The following SETDB1 variants were observed in gnomAD, a reference collection of about 807,000 sequenced individuals.
SETDB1 encodes SET domain bifurcated histone lysine methyltransferase 1, also known as histone-lysine N-methyltransferase SETDB1.
SETDB1 carries 31 observed loss-of-function variants against 137.4 expected under a neutral mutation model. The observed-to-expected ratio is 0.23, with a 90% CI of 0.17 to 0.30. The LOEUF (loss-of-function observed/expected upper bound fraction) is 0.30, where lower values mean the gene tolerates loss of function less well. SETDB1 is among the 10% of genes least tolerant of loss of function. The pLI, the probability that SETDB1 is intolerant of heterozygous loss-of-function variation, is 1.00. For missense variants in SETDB1, 1,113 were observed against 1,631.5 expected (o/e 0.68, Z 5.47); for synonymous variants, 548 against 579.9 (o/e 0.95, Z 0.79).
intron 18 of SETDB1, 121 bp downstream of exon 18, chr1:150,962,840 C>A: frequency 6.9e-7 from 1 of 1,449,504 alleles, no homozygotes; most frequent in South Asian, 1.3e-5. Context: ...TGACTTCCTG[C>A]CTTATTTTCT....
At chr1:150,940,733 C>G (rs997729082) in intron 4 of SETDB1, among the ~76,000 whole-genome samples, 4 of 152,056 alleles carry the variant, frequency 2.6e-5, no homozygotes, top group Non-Finnish European at 5.9e-5. Flanking sequence ...GGCACAGTGG[C>G]TCACGCCTGT....
intron 14 of SETDB1, among the ~76,000 whole-genome samples, chr1:150,958,253 T>TC (rs1670712072): frequency 1.6e-5 from 2 of 125,174 alleles, no homozygotes; most frequent in Non-Finnish European, 3.4e-5. Context: ...TTTTCTTTTT[T>TC]CTTTTTTTTT....
Position 150,946,952 on chromosome 1 carries a change from A to G in SETDB1, c.1207A>G (p.Thr403Ala). 6.2e-7 allele frequency: 1 copy of G among 1,614,192 alleles called. No individual in the cohort carries two copies. Among genetic ancestry groups the G allele is most frequent in the South Asian group, 1.1e-5 (1 of 91,088 alleles). The change falls in exon 10 of 22, where the codon ACA becomes GCA. Residue 403 changes from threonine (T) to alanine (A), a missense_variant. By Grantham distance (58) the Thr-to-Ala change is moderately conservative (BLOSUM62 0). Around this residue, in one of 11 missense-constraint regions of SETDB1, gnomAD observed 154 missense variants for 303.1 expected, o/e 0.51. Coordinates refer to ENST00000692827, the MANE Select transcript of SETDB1 (RefSeq NM_001366418.1). The stretch of plus-strand genomic sequence containing the variant: ...GCTGGAGCCCATGTTCAGCATGAAA[A>G]CATCCTCAGCCTCTGCACTGGAGAA... ...TRLEPMFSMK[T>A]SSASALEKKQ...
At chr1:150,941,839 T>A (rs587747166) in intron 5 of SETDB1, among the ~76,000 whole-genome samples, 24 of 151,324 alleles carry the variant, frequency 1.6e-4, no homozygotes, top group African/African-American at 4.8e-4. Flanking sequence ...CAAAAAAAAA[T>A]GTTTAAAAAT....
At position 150,959,416 on chromosome 1, in the gene SETDB1, T is replaced by C. The variant is rs1670750782; in HGVS notation, c.2503+69T>C. 11 of 1,334,888 alleles carry C rather than the reference T, an allele frequency of 8.2e-6. No individual in the cohort carries two copies. In the South Asian group the frequency reaches 1.0e-4, roughly 13 times the overall value. The allele number at this position is 1,334,888 out of a possible 1,614,324, so 82.7% of individuals were successfully genotyped here. ...GGTAGGGAATTGAACCAGAGACAAA[T>C]TGAACATAAGAAGAAAGTGCTTGAC... On this transcript the variant is annotated intron_variant, in intron 15 of 21. Coordinates refer to ENST00000692827, the MANE Select transcript of SETDB1 (RefSeq NM_001366418.1).
At chr1:150,963,925 C>A in intron 20 of SETDB1, 70 bp from the exon 21 acceptor site, 1 of 1,459,718 alleles carries the variant, frequency 6.9e-7, no homozygotes, top group Non-Finnish European at 9.6e-7. Context: ...TTTCTTCCAA[C>A]TCTCACTCTC....
chr1:150,930,278 A>G (rs1191869805), intron 3 of SETDB1, 160 bp downstream of exon 3: 1 of 599,440 alleles, frequency 1.7e-6, no homozygotes, highest in Non-Finnish European at 2.9e-6. Context: ...CAACATTGTT[A>G]GTATCATAGA....
intron 19 of SETDB1, 123 bp from the exon 20 acceptor site, chr1:150,963,407 C>A: frequency 1.2e-6 from 1 of 867,728 alleles, no homozygotes; most frequent in Non-Finnish European, 1.8e-6. Context: ...TCTTTGAGTT[C>A]CAGCTTATTG....
chr1:150,962,716 T>G lies in SETDB1; in HGVS notation c.3291T>G (p.Pro1097=). Residue 1097 remains proline (P), a synonymous_variant, in exon 18 of 22, where the codon CCT becomes CCG. Transcript: ENST00000692827. ...TCATGGCTTCTGCTCAGTCCAACCC[T>G]GATGTAAGTCACCTCAAGCTTATTC... is the stretch of plus-strand genomic sequence containing the variant. The part of the protein sequence containing the change: ...RRLMASAQSN[P]DDVLTLSSST... The G allele has an allele frequency of 1.2e-6, 2 of 1,613,430 alleles. No individual in the cohort carries two copies. The highest frequency in any genetic ancestry group is 1.7e-6 in the Non-Finnish European group (2 of 1,179,612).
Position 150,949,488 on chromosome 1 carries a change from G to A in SETDB1, c.1546G>A (p.Val516Ile), listed in dbSNP as rs185244961. The A allele has an allele frequency of 6.2e-7, 1 of 1,614,094 alleles. No homozygotes were observed. Among genetic ancestry groups the A allele is most frequent in the Non-Finnish European group, 8.5e-7 (1 of 1,180,016 alleles). ...TACATCTCCTGCACTCAGTGAAAAT[G>A]TCTCTGGTGGGAAACCTGGGATCAA... ...SPTSPALSENVSGGKPGINQT... is the reference protein window; with the variant it reads ...SPTSPALSENISGGKPGINQT... Residue 516 changes from valine (V) to isoleucine (I), a missense_variant, in exon 12 of 22, where the codon GTC becomes ATC. Around this residue, in one of 11 missense-constraint regions of SETDB1, gnomAD observed 192 missense variants for 198.1 expected, o/e 0.97. Transcript: ENST00000692827.
chr1:150,958,542 G>A (rs990991817), intron 14 of SETDB1, among the ~76,000 whole-genome samples: 1 of 150,204 alleles, frequency 6.7e-6, no homozygotes, highest in African/African-American at 2.5e-5. Flanking sequence ...GAGCCACCAC[G>A]CCCAGCACGA....
chr1:150,931,457 C>T (rs1483366455), intron 3 of SETDB1, among the ~76,000 whole-genome samples: 7 of 150,732 alleles, frequency 4.6e-5, no homozygotes, highest in South Asian at 2.1e-4. Context: ...TGGCGGCGGA[C>T]GCCTGTAGTC....
At chr1:150,956,998 T>C (rs893425959) in intron 14 of SETDB1, among the ~76,000 whole-genome samples, 4 of 151,922 alleles carry the variant, frequency 2.6e-5, no homozygotes, top group African/African-American at 9.7e-5. Context: ...GCAGCTGTGG[T>C]CCCAGCTACT....
Position 150,964,600 on chromosome 1 carries a change from C to A in SETDB1, c.*236C>A. On this transcript the variant is annotated 3_prime_UTR_variant, in exon 22 of 22. Transcript: ENST00000692827. ...GGAGAGATCACCACTCTAACCTCGGCCTGACATCCCTCCCATCCCATATTT... is the reference window on the plus strand; with the variant it reads ...GGAGAGATCACCACTCTAACCTCGGACTGACATCCCTCCCATCCCATATTT... 1.5e-6 allele frequency: 1 copy of A among 670,406 alleles called. No individual in the cohort carries two copies. The highest frequency in any genetic ancestry group is 2.7e-6 in the Non-Finnish European group (1 of 367,396). 41.5% of individuals were successfully genotyped at this position (670,406 alleles called of 1,614,324 possible).
At chr1:150,948,762 G>A (rs888842552) in intron 10 of SETDB1, among the ~76,000 whole-genome samples, 1 of 151,090 alleles carries the variant, frequency 6.6e-6, no homozygotes, top group Non-Finnish European at 1.5e-5. Context: ...TTGTTCTGTT[G>A]CCCAGGCTGG....
chr1:150,948,407 G>C (rs894942797), intron 10 of SETDB1, among the ~76,000 whole-genome samples: 13 of 151,446 alleles, frequency 8.6e-5, no homozygotes. Flanking sequence ...AGTAACTGGG[G>C]TTACAGGCGA....
chr1:150,948,343 T>TCA (rs1430533652), intron 10 of SETDB1, among the ~76,000 whole-genome samples: 1 of 149,456 alleles, frequency 6.7e-6, no homozygotes, highest in Non-Finnish European at 1.5e-5. Context: ...CCATCTCAGC[T>TCA]CACTGCAACC....
At position 150,944,937 on chromosome 1, in the gene SETDB1, C is replaced by T; in HGVS notation, c.969C>T (p.Asp323=). The change falls in exon 9 of 22, where the codon GAC becomes GAT. Residue 323 remains aspartate, a synonymous_variant. Coordinates refer to ENST00000692827, the MANE Select transcript of SETDB1 (RefSeq NM_001366418.1). ...AAACAGTGAAAAAGACTTGGGAGGA[C>T]ATAGAAGACATCTCCTGCCGTGACT... ...ICRPLKKTWE[D]IEDISCRDFI... 2 of 1,614,070 alleles carry T rather than the reference C, an allele frequency of 1.2e-6. No individual in the cohort carries two copies. Among genetic ancestry groups the T allele is most frequent in the Non-Finnish European group, 1.7e-6 (2 of 1,179,996 alleles).
chr1:150,958,450 C>T (rs114908993), intron 14 of SETDB1, among the ~76,000 whole-genome samples: 4,013 of 151,882 alleles, frequency 0.026, 79 homozygotes, highest in Middle Eastern at 0.051. Context: ...CGGGGTTTTA[C>T]TGTGTTAGCC....
Sources: gnomAD v4.1 joint callset for allele counts (sites outside exome capture counted in the v4.1 genomes callset) on GRCh38, gnomAD v4.1.1 for gene constraint, gnomAD v4.1.1 regional missense constraint, MANE v1.5 for transcripts, NCBI Gene and HGNC (gene_info 2026-07-23, HGNC 2026-07-21) for gene names.